Variants in GLT8D2 observed in about 807,000 individuals in gnomAD.
GLT8D2 encodes the protein glycosyltransferase 8 domain containing 2.
A neutral mutation model predicts 44.5 loss-of-function variants in GLT8D2; 45 were observed. The observed-to-expected ratio is 1.01, with a 90% CI of 0.80 to 1.30. GLT8D2 has a LOEUF of 1.30. Ranked by LOEUF, GLT8D2 falls within the 50% of genes most tolerant of loss-of-function variation. The pLI, the probability that GLT8D2 is intolerant of heterozygous loss-of-function variation, is 0.00. For synonymous variants in GLT8D2, 156 were observed against 157.2 expected (o/e 0.99, Z 0.06); for missense variants, 400 against 430.4 (o/e 0.93, Z 0.62).
chr12:103,991,823 TAAA>T (rs11340919), intron 10 of GLT8D2, among the ~76,000 whole-genome samples: 8,502 of 123,080 alleles, frequency 0.069, 366 homozygotes, highest in Non-Finnish European at 0.097. Context: ...TTACGTCCTT[TAAA>T]AAAAAAAAAA....
At chr12:104,018,092 C>G (rs7970974) in intron 3 of GLT8D2, among the ~76,000 whole-genome samples, 5,715 of 152,068 alleles carry the variant, frequency 0.038, 380 homozygotes, top group African/African-American at 0.13. Flanking sequence ...ACCTCAGCCT[C>G]CGAAGTAGCT....
chr12:104,003,862 C>A (rs755754337), intron 4 of GLT8D2, among the ~76,000 whole-genome samples: 1 of 152,110 alleles, frequency 6.6e-6, no homozygotes, highest in Non-Finnish European at 1.5e-5. Context: ...AAACCAATGA[C>A]TAATAGAAAT....
At chr12:104,017,940 G>A (rs977992950) in intron 3 of GLT8D2, among the ~76,000 whole-genome samples, 1 of 152,126 alleles carries the variant, frequency 6.6e-6, no homozygotes, top group African/African-American at 2.4e-5. Flanking sequence ...CTTTACAAAT[G>A]GTTATGCATC....
In GLT8D2 at chr12:103,989,299, G is replaced by T; in HGVS notation, c.*109C>A. On this transcript the variant is annotated 3_prime_UTR_variant, in exon 11 of 11. Transcript: ENST00000360814. ...CACAGTAGTTTTTGGTTTTTATATT[G>T]TGGATCATATGTATCAAAGGTAATA... 9.3e-6 allele frequency: 9 copies of T among 966,170 alleles called. No individual in the cohort carries two copies. The highest frequency in any genetic ancestry group is 2.6e-5 in the East Asian group (1 of 38,158). 59.8% of individuals were successfully genotyped at this position (966,170 alleles called of 1,614,324 possible).
intron 1 of GLT8D2, among the ~76,000 whole-genome samples, chr12:104,036,905 A>G (rs1359496553): frequency 6.6e-6 from 1 of 152,236 alleles, no homozygotes; most frequent in African/African-American, 2.4e-5. Context: ...CTGACCACAG[A>G]GTTGGAAGTA....
intron 1 of GLT8D2, among the ~76,000 whole-genome samples, chr12:104,038,792 A>G (rs994200483): frequency 1.3e-5 from 2 of 152,082 alleles, no homozygotes; most frequent in Non-Finnish European, 2.9e-5. Flanking sequence ...TTGGAAAAAA[A>G]TACTTTAAAG....
intron 5 of GLT8D2, among the ~76,000 whole-genome samples, chr12:104,001,139 A>T (rs1290563901): frequency 1.3e-5 from 2 of 152,224 alleles, no homozygotes; most frequent in African/African-American, 4.8e-5. Context: ...AAAGTAGATC[A>T]TACTATACGA....
chr12:104,047,306 T>C (rs952961592), intron 1 of GLT8D2, among the ~76,000 whole-genome samples: 2 of 45,148 alleles, frequency 4.4e-5, no homozygotes, highest in African/African-American at 1.6e-4. Flanking sequence ...CTCTTAGGCC[T>C]TTTTTTTTTT....
At chr12:104,059,040 T>C (rs778529949) in intron 1 of GLT8D2, among the ~76,000 whole-genome samples, 1 of 152,222 alleles carries the variant, frequency 6.6e-6, no homozygotes, top group African/African-American at 2.4e-5. Flanking sequence ...CAAGACTTCA[T>C]CATGTGACTC....
Position 103,989,569 on chromosome 12 carries a change from G to C in GLT8D2, c.889C>G (p.Pro297Ala), listed in dbSNP as rs1566187270. 2.5e-6 allele frequency: 4 copies of C among 1,611,524 alleles called. No individual in the cohort carries two copies. Among genetic ancestry groups the C allele is most frequent in the Non-Finnish European group, 3.4e-6 (4 of 1,178,874 alleles). The part of the protein sequence containing the change: ...LWHIRHLGWN[P>A]DARYSEHFLQ... Reference sequence around the variant, plus strand: ...AAATGCTCCGAATATCTGGCATCTGGATTCCAGCCTTCATTGTGTATAGAG... The same window carrying C: ...AAATGCTCCGAATATCTGGCATCTGCATTCCAGCCTTCATTGTGTATAGAG... The change falls in exon 11 of 11, where the codon CCA becomes GCA. Residue 297 changes from proline to alanine, a missense_variant. Pro to Ala is a conservative substitution (Grantham distance 27). Transcript: ENST00000360814.
chr12:104,001,697 T>TA (rs569984049), intron 5 of GLT8D2, among the ~76,000 whole-genome samples: 2 of 141,878 alleles, frequency 1.4e-5, no homozygotes, highest in South Asian at 5.0e-4. Context: ...TTTATTTATT[T>TA]TTTATTTATT....
intron 4 of GLT8D2, among the ~76,000 whole-genome samples, chr12:104,005,429 A>G (rs926003621): frequency 6.6e-6 from 1 of 152,224 alleles, no homozygotes; most frequent in African/African-American, 2.4e-5. Context: ...AGAAACTACC[A>G]TCAGAGTGAA....
intron 1 of GLT8D2, among the ~76,000 whole-genome samples, chr12:104,055,581 A>C (rs946436699): frequency 6.6e-6 from 1 of 152,190 alleles, no homozygotes; most frequent in Admixed American, 6.5e-5. Flanking sequence ...TGCATTTCAC[A>C]TGCATTTTAT....
intron 5 of GLT8D2, among the ~76,000 whole-genome samples, chr12:104,001,524 C>T (rs567994416): frequency 1.3e-4 from 20 of 152,268 alleles, no homozygotes; most frequent in African/African-American, 4.8e-4. Flanking sequence ...TAAGCATGCC[C>T]ATTTTCCTGC....
At chr12:104,021,866 GAAA>G (rs1877702670) in intron 1 of GLT8D2, among the ~76,000 whole-genome samples, 1 of 109,900 alleles carries the variant, frequency 9.1e-6, no homozygotes, top group Non-Finnish European at 2.0e-5. Flanking sequence ...AGGAGAAGAA[GAAA>G]GAAGAAGAAG....
intron 3 of GLT8D2, 142 bp from the exon 4 acceptor site, chr12:104,015,247 T>C (rs66613683): frequency 0.16 from 102,397 of 626,540 alleles, 9,219 homozygotes; most frequent in Middle Eastern, 0.24. Context: ...AGACAGCATA[T>C]AGAATAAAGA....
At chr12:104,020,644 ACGAACAAGGGTAGGGAGTGCAT>A (rs1431833544) in intron 2 of GLT8D2, among the ~76,000 whole-genome samples, 10 of 152,364 alleles carry the variant, frequency 6.6e-5, no homozygotes, top group Non-Finnish European at 1.3e-4. Flanking sequence ...TGGGATAAAG[ACGAACAAGGGTAGGGAGTGCAT>A]CAGGAGGAGA....
intron 1 of GLT8D2, among the ~76,000 whole-genome samples, chr12:104,048,442 A>G (rs1041434582): frequency 1.3e-5 from 2 of 152,216 alleles, no homozygotes; most frequent in Non-Finnish European, 2.9e-5. Context: ...ATGTTTTCTC[A>G]GAACTTTCTT....
chr12:104,019,522 T>C (rs1877351981), intron 3 of GLT8D2, 108 bp downstream of exon 3: 5 of 883,496 alleles, frequency 5.7e-6, no homozygotes, highest in Non-Finnish European at 8.8e-6. Context: ...AAACTATCCA[T>C]GAAAATCAAA....
Sources: allele counts gnomAD v4.1 joint callset (sites outside exome capture counted in the v4.1 genomes callset), GRCh38; gene constraint gnomAD v4.1.1; transcripts MANE v1.5; gene names NCBI Gene and HGNC (gene_info 2026-07-23, HGNC 2026-07-21).